Variants in ACTR3C observed in about 807,000 individuals in gnomAD.
ACTR3C encodes actin-related protein 3C.
ACTR3C carries 18 observed loss-of-function variants against 26.3 expected under a neutral mutation model. The ratio of observed to expected loss-of-function variants is 0.68; its 90% CI spans 0.47 to 1.01. The LOEUF (loss-of-function observed/expected upper bound fraction) is 1.01, where lower values mean the gene tolerates loss of function less well. Among genes scored for constraint, ACTR3C ranks in the 50% least tolerant of loss-of-function variants. ACTR3C has a pLI of 0.00. For synonymous variants in ACTR3C, 55 were observed against 94.5 expected (o/e 0.58, Z 2.42); for missense variants, 184 against 250.7 (o/e 0.73, Z 1.80).
At chr7:150,147,713 G>A in the ACTR3C span, among the ~76,000 whole-genome samples, 1 of 152,164 alleles carries the variant, frequency 6.6e-6, no homozygotes, top group Non-Finnish European at 1.5e-5. Context: ...GTCATGATGT[G>A]TGTGCCAGGC....
chr7:150,032,159 T>G, the ACTR3C span, among the ~76,000 whole-genome samples: 1 of 152,112 alleles, frequency 6.6e-6, no homozygotes, highest in Non-Finnish European at 1.5e-5. Flanking sequence ...GTGACGATGG[T>G]GAGGATGGTG....
At chr7:150,116,659 G>C in the ACTR3C span, among the ~76,000 whole-genome samples, 2 of 152,184 alleles carry the variant, frequency 1.3e-5, no homozygotes, top group African/African-American at 4.8e-5. Context: ...CCACAAATTT[G>C]CTGTGTGAGT....
chr7:150,197,322 C>T, the ACTR3C span, among the ~76,000 whole-genome samples: 1 of 152,228 alleles, frequency 6.6e-6, no homozygotes, highest in Non-Finnish European at 1.5e-5. Flanking sequence ...CACTTGACCT[C>T]TACCAATTCA....
At chr7:150,164,536 T>C in the ACTR3C span, among the ~76,000 whole-genome samples, 3 of 152,016 alleles carry the variant, frequency 2.0e-5, no homozygotes, top group Non-Finnish European at 2.9e-5. Context: ...GTAAGAATTA[T>C]AATTTTATTT....
chr7:150,206,444 G>A, the ACTR3C span, among the ~76,000 whole-genome samples: 11 of 151,944 alleles, frequency 7.2e-5, no homozygotes, highest in South Asian at 2.1e-4. Context: ...ATGGAGTTTC[G>A]CTCCTGTTGC....
chr7:150,172,377 C>T, the ACTR3C span, among the ~76,000 whole-genome samples: 10 of 150,604 alleles, frequency 6.6e-5, no homozygotes, highest in Middle Eastern at 6.8e-3. Context: ...AAGAAGCAAA[C>T]GTGGAAACCC....
the ACTR3C span, among the ~76,000 whole-genome samples, chr7:150,155,340 C>T: frequency 5.3e-5 from 8 of 151,818 alleles, no homozygotes; most frequent in South Asian, 2.1e-4. Flanking sequence ...ACAGTCAGCA[C>T]GCTCATTCAA....
the ACTR3C span, among the ~76,000 whole-genome samples, chr7:149,925,254 G>C: frequency 4.5e-4 from 69 of 152,196 alleles, 1 homozygote; most frequent in South Asian, 0.013. Context: ...TCTTTGATGG[G>C]AAGACTCAGT....
the ACTR3C span, among the ~76,000 whole-genome samples, chr7:150,040,225 G>A: frequency 2.3e-4 from 34 of 147,888 alleles, 3 homozygotes; most frequent in Non-Finnish European, 4.7e-4. Context: ...TAATAGGGGG[G>A]CCATCCTTTA....
the ACTR3C span, among the ~76,000 whole-genome samples, chr7:149,945,256 T>G: frequency 6.6e-6 from 1 of 151,348 alleles, no homozygotes; most frequent in Non-Finnish European, 1.5e-5. Flanking sequence ...GCAATGCACT[T>G]CACAGCTGGT....
chr7:149,932,697 G>C, the ACTR3C span, among the ~76,000 whole-genome samples: 1 of 141,830 alleles, frequency 7.1e-6, no homozygotes, highest in African/African-American at 2.6e-5. Context: ...GGGGGAGAGA[G>C]AGAAAGAGAA....
the ACTR3C span, among the ~76,000 whole-genome samples, chr7:149,933,759 C>T: frequency 9.9e-5 from 15 of 152,016 alleles, no homozygotes; most frequent in African/African-American, 3.1e-4. Flanking sequence ...TTCCACTCAA[C>T]GCTAGTCAGA....
chr7:150,209,629 C>T, the ACTR3C span, among the ~76,000 whole-genome samples: 1 of 150,700 alleles, frequency 6.6e-6, no homozygotes, highest in Admixed American at 6.6e-5. Flanking sequence ...GCTGTAACCC[C>T]AGCACTTCGG....
the ACTR3C span, among the ~76,000 whole-genome samples, chr7:150,209,330 GAGA>G: frequency 3.4e-5 from 5 of 148,036 alleles, 1 homozygote; most frequent in African/African-American, 1.1e-4. Flanking sequence ...GAGAGAGAGA[GAGA>G]AGTGGAAGCA....
intron 6 of ACTR3C, among the ~76,000 whole-genome samples, chr7:150,255,751 C>T (rs1239656144): frequency 2.0e-5 from 3 of 152,278 alleles, no homozygotes; most frequent in South Asian, 2.1e-4. Flanking sequence ...GACACAGCTC[C>T]GTCCTTTCTT....
the ACTR3C span, among the ~76,000 whole-genome samples, chr7:150,124,482 T>A: frequency 6.6e-6 from 1 of 152,200 alleles, no homozygotes; most frequent in Non-Finnish European, 1.5e-5. Flanking sequence ...CACACTGTTG[T>A]CTGTTAGATA....
At chr7:150,127,460 G>A in the ACTR3C span, among the ~76,000 whole-genome samples, 2 of 151,982 alleles carry the variant, frequency 1.3e-5, no homozygotes, top group African/African-American at 4.8e-5. Flanking sequence ...GTCGGACAAC[G>A]GCTTAACCTT....
the ACTR3C span, among the ~76,000 whole-genome samples, chr7:150,164,435 C>A: frequency 2.0e-5 from 3 of 152,196 alleles, no homozygotes; most frequent in Admixed American, 2.0e-4. Context: ...AAACATGCTT[C>A]TTTCCAAGTT....
chr7:150,289,581 C>T lies in ACTR3C; in HGVS notation c.166G>A (p.Val56Ile), dbSNP rs775768586. ...THVIPVAEGY[V>I]IGSCIKHIPI... ...ATGTGTTTGATGCAGCTTCCAATTACATAACCTTCTGCCTAGGGAAGAAGA... is the reference window on the plus strand; with the variant it reads ...ATGTGTTTGATGCAGCTTCCAATTATATAACCTTCTGCCTAGGGAAGAAGA... The change falls in exon 4 of 8, where the codon GTA (valine) becomes ATA (isoleucine). Residue 56 changes from valine to isoleucine, a missense_variant. By Grantham distance (29) the Val-to-Ile change is conservative (BLOSUM62 3). Transcript: ENST00000683684. The T allele has an allele frequency of 6.3e-7, 1 of 1,576,898 alleles. No homozygotes were observed. Among genetic ancestry groups the T allele is most frequent in the Non-Finnish European group, 8.6e-7 (1 of 1,160,094 alleles).
Sources: gnomAD v4.1 joint callset for allele counts (sites outside exome capture counted in the v4.1 genomes callset) on GRCh38, gnomAD v4.1.1 for gene constraint, MANE v1.5 for transcripts, NCBI Gene and HGNC (gene_info 2026-07-23, HGNC 2026-07-21) for gene names.